Variants in CREB5 observed in about 807,000 individuals in gnomAD.
CREB5 encodes the protein cAMP responsive element binding protein 5.
In CREB5, 19 loss-of-function variants were observed where a neutral mutation model predicts 57.1. The observed-to-expected ratio is 0.33, with a 90% CI of 0.23 to 0.49. The LOEUF (loss-of-function observed/expected upper bound fraction) is 0.49. Among genes scored for constraint, CREB5 ranks in the 20% least tolerant of loss-of-function variants. The pLI is 0.99. For synonymous variants in CREB5, 238 were observed against 238.3 expected, an observed-to-expected ratio of 1.00 and a Z score of 0.01; for missense variants, 579 against 671.6, an observed-to-expected ratio of 0.86 and a Z score of 1.52.
intron 1 of CREB5, among the ~76,000 whole-genome samples, chr7:28,366,564 G>T (rs1240284356): frequency 6.6e-6 from 1 of 152,178 alleles, no homozygotes; most frequent in Non-Finnish European, 1.5e-5. Context: ...GATCATAGAA[G>T]TGCTATCCAA....
chr7:28,653,817 C>T (rs559626115), intron 5 of CREB5, among the ~76,000 whole-genome samples: 25 of 152,200 alleles, frequency 1.6e-4, no homozygotes, highest in Non-Finnish European at 2.6e-4. Flanking sequence ...AGTTTATGAA[C>T]CTGCTTGCAA....
At chr7:28,546,856 A>G (rs191940961) in intron 4 of CREB5, among the ~76,000 whole-genome samples, 1 of 152,324 alleles carries the variant, frequency 6.6e-6, no homozygotes, top group African/African-American at 2.4e-5. Context: ...CTCATTTATA[A>G]AGTGTGTTTA....
At chr7:28,345,679 G>T (rs1786044362) in intron 1 of CREB5, among the ~76,000 whole-genome samples, 1 of 152,216 alleles carries the variant, frequency 6.6e-6, no homozygotes, top group African/African-American at 2.4e-5. Context: ...GGTTCTGGCA[G>T]ATGGTTAGCA....
chr7:28,794,526 A>C (rs1160756192), intron 7 of CREB5, among the ~76,000 whole-genome samples: 2 of 152,246 alleles, frequency 1.3e-5, no homozygotes, highest in African/African-American at 4.8e-5. Flanking sequence ...GGGCCAAATT[A>C]GTACCTGAGG....
rs181804174 is a variant in CREB5, at chr7:28,400,261, A to G, written c.-24-94645A>G. On this transcript the variant is annotated intron_variant, in intron 1 of 9. Coordinates refer to the CREB5 transcript ENST00000396299. ...ACTTATTACCTGCGTGACCTTATTCAAATTACTTAGCCTCACTGAGCTTCA... is the reference window on the plus strand; with the variant it reads ...ACTTATTACCTGCGTGACCTTATTCGAATTACTTAGCCTCACTGAGCTTCA... 4.2e-4 allele frequency among the ~76,000 whole-genome samples: 64 copies of G among 152,346 alleles called. No homozygotes were observed. The East Asian group carries it at 0.01, about 25-fold the overall frequency.
Position 28,371,587 on chromosome 7 carries a change from G to A in CREB5, c.-25+72146G>A, listed in dbSNP as rs550507104. ...GTCTTCAGCCCTGGAAAGCCCTGCG[G>A]GCAGCACCACCATGGCCCCAGCAGT... On this transcript the variant is annotated intron_variant, in intron 1 of 9. Transcript: ENST00000396299. 2.8e-4 allele frequency among the ~76,000 whole-genome samples: 43 copies of A among 152,182 alleles called. No individual in the cohort carries two copies. The South Asian group carries it at 8.5e-3, about 30-fold the overall frequency.
At chr7:28,302,417 T>C (rs1293515586) in intron 1 of CREB5, among the ~76,000 whole-genome samples, 1 of 152,226 alleles carries the variant, frequency 6.6e-6, no homozygotes, top group Non-Finnish European at 1.5e-5. Context: ...TGGACTTTAA[T>C]GTGTTTTTGT....
intron 1 of CREB5, among the ~76,000 whole-genome samples, chr7:28,340,784 G>A (rs2127988774): frequency 6.6e-6 from 1 of 152,284 alleles, no homozygotes; most frequent in East Asian, 1.9e-4. Flanking sequence ...GCCTGCAGTG[G>A]TGAGGCTTGC....
rs569900143 is a variant in CREB5 at position 28,639,805 on chromosome 7, CA to C, written c.464+69270del. The stretch of plus-strand genomic sequence containing the variant: ...GTTCCTTTGATACTTAAAAGCATGT[CA>C]ACTTGAGACCAGCAGCAGTGTTGTA... On this transcript the variant is annotated intron_variant, in intron 5 of 10. Coordinates refer to ENST00000357727, the MANE Select transcript of CREB5 (RefSeq NM_182898.4). 1.9e-3 allele frequency among the ~76,000 whole-genome samples: 282 copies of C among 152,276 alleles called. 2 individuals are homozygous for C. The highest frequency in any genetic ancestry group is 6.5e-3 in the African/African-American group (269 of 41,546).
chr7:28,436,460 T>C (rs1173625853), intron 1 of CREB5, among the ~76,000 whole-genome samples: 1 of 152,172 alleles, frequency 6.6e-6, no homozygotes, highest in Non-Finnish European at 1.5e-5. Flanking sequence ...TACTTATCTG[T>C]GTATTATTCC....
At chr7:28,328,315 C>G (rs1174728762) in intron 1 of CREB5, among the ~76,000 whole-genome samples, 1 of 152,164 alleles carries the variant, frequency 6.6e-6, no homozygotes. Context: ...CAAGAAAGAA[C>G]TAAGAAACAG....
At chr7:28,589,185 T>TTTGATGCA (rs1298125831) in intron 5 of CREB5, among the ~76,000 whole-genome samples, 21 of 152,352 alleles carry the variant, frequency 1.4e-4, no homozygotes, top group Non-Finnish European at 1.2e-4. Context: ...AGTCTTATTT[T>TTTGATGCA]TTGATGCATT....
intron 9 of CREB5, among the ~76,000 whole-genome samples, chr7:28,811,694 A>C (rs933684021): frequency 5.3e-5 from 8 of 152,208 alleles, no homozygotes; most frequent in African/African-American, 1.9e-4. Flanking sequence ...ATTAATAATC[A>C]TATTTTAATT....
intron 1 of CREB5, among the ~76,000 whole-genome samples, chr7:28,359,868 C>G (rs1786432897): frequency 6.6e-6 from 1 of 152,082 alleles, no homozygotes; most frequent in Non-Finnish European, 1.5e-5. Context: ...ACTCAAACAA[C>G]TCAATAGCAA....
intron 9 of CREB5, among the ~76,000 whole-genome samples, chr7:28,816,926 G>T (rs1401842904): frequency 6.6e-6 from 1 of 152,180 alleles, no homozygotes; most frequent in Non-Finnish European, 1.5e-5. Context: ...TCAAGATAGT[G>T]CTACATTTAC....
At position 28,780,687 on chromosome 7, in the gene CREB5, A is replaced by C. The variant is rs113105886; in HGVS notation, c.703-23512A>C. Among the ~76,000 whole-genome samples the C allele has an allele frequency of 6.6e-3, 1,008 of 152,178 alleles. 13 individuals carry two copies. Among genetic ancestry groups the C allele is most frequent in the Non-Finnish European group, 8.8e-3 (597 of 68,008 alleles). Reference sequence around the variant, plus strand: ...CAGTGTGCCGAGATCGTGTAATTGCACTCCAGCCTGGGCCACAGATTCAAA... The same window carrying C: ...CAGTGTGCCGAGATCGTGTAATTGCCCTCCAGCCTGGGCCACAGATTCAAA... On this transcript the variant is annotated intron_variant, in intron 7 of 10. Transcript: ENST00000357727.
chr7:28,737,165 T>G (rs189664619), intron 7 of CREB5, among the ~76,000 whole-genome samples: 1 of 152,288 alleles, frequency 6.6e-6, no homozygotes, highest in East Asian at 1.9e-4. Flanking sequence ...ACAATAATGT[T>G]AATAATGACC....
intron 4 of CREB5, among the ~76,000 whole-genome samples, chr7:28,529,075 AAC>A (rs1424711330): frequency 8.5e-5 from 13 of 152,228 alleles, no homozygotes; most frequent in African/African-American, 2.9e-4. Flanking sequence ...AAGCAACAGC[AAC>A]AGATTCCTGA....
At chr7:28,465,245 G>A (rs993952535) in intron 1 of CREB5, among the ~76,000 whole-genome samples, 1 of 152,198 alleles carries the variant, frequency 6.6e-6, no homozygotes. Context: ...CCTCGAGGTT[G>A]CCTCAAACTT....
Sources: gnomAD v4.1 joint callset for allele counts (sites outside exome capture counted in the v4.1 genomes callset) on GRCh38, gnomAD v4.1.1 for gene constraint, MANE v1.5 for transcripts, NCBI Gene and HGNC (gene_info 2026-07-23, HGNC 2026-07-21) for gene names.